RANBP2: variants seen among roughly 807,000 people sequenced by gnomAD.
RANBP2 encodes the protein RAN binding protein 2.
RANBP2 carries 57 observed loss-of-function variants against 303.6 expected under a neutral mutation model. The observed-to-expected ratio is 0.19, with a 90% confidence interval of 0.15 to 0.23. The LOEUF (loss-of-function observed/expected upper bound fraction) is 0.23. Among genes scored for constraint, RANBP2 ranks in the 10% least tolerant of loss-of-function variants. The pLI is 1.00. For synonymous variants in RANBP2, 1,167 were observed against 1,301.5 expected (o/e 0.90, Z 2.23); for missense variants, 3,138 against 3,780.8 (o/e 0.83, Z 4.46).
Position 108,777,247 on chromosome 2 carries a change from G to A in RANBP2, c.8599+16G>A, listed in dbSNP as rs145152325. On this transcript the variant is annotated intron_variant, in intron 25 of 28. Transcript: ENST00000283195. ...GGTTCTAAAGGTAAGATCAAGAGGA[G>A]AGACTTTTAATGACATTGTTACAGA... The A allele has an allele frequency of 1.2e-3, 1,939 of 1,590,354 alleles. 1 individual carries two copies. The highest frequency in any genetic ancestry group is 1.5e-3 in the Non-Finnish European group (1,780 of 1,164,962).
chr2:109,404,550 C>T, the RANBP2 span, among the ~76,000 whole-genome samples: 25,314 of 151,994 alleles, frequency 0.17, 2,597 homozygotes, highest in East Asian at 0.49. Flanking sequence ...CAGTCAAGGT[C>T]GCCAAGGAGC....
chr2:108,875,026 TA>T, the RANBP2 span, among the ~76,000 whole-genome samples: 1,992 of 151,822 alleles, frequency 0.013, 63 homozygotes, highest in South Asian at 0.082. Flanking sequence ...TAGACTTAGA[TA>T]AAAAAACAAA....
chr2:109,282,542 C>T, the RANBP2 span, among the ~76,000 whole-genome samples: 2 of 152,270 alleles, frequency 1.3e-5, no homozygotes, highest in East Asian at 1.9e-4. Flanking sequence ...TGGTACTGCC[C>T]TGTGCCTCAG....
the RANBP2 span, among the ~76,000 whole-genome samples, chr2:108,899,894 G>A: frequency 6.6e-6 from 1 of 152,252 alleles, no homozygotes; most frequent in South Asian, 2.1e-4. Flanking sequence ...GCTGAGGCAG[G>A]AGAATCGCTT....
chr2:109,232,935 G>A, the RANBP2 span, among the ~76,000 whole-genome samples: 2 of 152,182 alleles, frequency 1.3e-5, no homozygotes, highest in African/African-American at 2.4e-5. Flanking sequence ...GCACCACTGA[G>A]ACAGGAGAGT....
the RANBP2 span, among the ~76,000 whole-genome samples, chr2:109,226,343 AG>A: frequency 2.0e-5 from 3 of 152,198 alleles, no homozygotes. Flanking sequence ...TCAAAGCTAA[AG>A]TCACATTGAC....
At chr2:109,045,719 T>A in the RANBP2 span, among the ~76,000 whole-genome samples, 1 of 152,132 alleles carries the variant, frequency 6.6e-6, no homozygotes, top group Non-Finnish European at 1.5e-5. Context: ...GTGTGTTTAC[T>A]TTTAACTTTT....
At chr2:109,002,440 C>T in the RANBP2 span, among the ~76,000 whole-genome samples, 1 of 152,214 alleles carries the variant, frequency 6.6e-6, no homozygotes, top group Non-Finnish European at 1.5e-5. Flanking sequence ...TTCCATCCTC[C>T]ACTCTCAGCT....
At chr2:109,422,583 T>C in the RANBP2 span, among the ~76,000 whole-genome samples, 1 of 144,118 alleles carries the variant, frequency 6.9e-6, no homozygotes, top group Admixed American at 7.3e-5. Flanking sequence ...CTCTCATTCC[T>C]GCACCCCCTT....
the RANBP2 span, among the ~76,000 whole-genome samples, chr2:108,902,490 C>A: frequency 3.3e-5 from 5 of 152,206 alleles, no homozygotes; most frequent in Non-Finnish European, 7.3e-5. Context: ...TCTACACGAT[C>A]TTTTCTAGAC....
chr2:109,103,281 C>A, the RANBP2 span, among the ~76,000 whole-genome samples: 3 of 152,152 alleles, frequency 2.0e-5, no homozygotes, highest in African/African-American at 7.2e-5. Flanking sequence ...TTATTCTGAG[C>A]CAAACATGAG....
chr2:108,847,625 A>G, the RANBP2 span, among the ~76,000 whole-genome samples: 5 of 152,210 alleles, frequency 3.3e-5, no homozygotes, highest in Non-Finnish European at 5.9e-5. Context: ...TTATATTATT[A>G]AATGTGATAA....
chr2:109,015,826 G>A, the RANBP2 span, among the ~76,000 whole-genome samples: 1 of 152,174 alleles, frequency 6.6e-6, no homozygotes, highest in Non-Finnish European at 1.5e-5. Flanking sequence ...TATAAAATAT[G>A]TGCTAATCAA....
the RANBP2 span, among the ~76,000 whole-genome samples, chr2:109,687,786 AG>A: frequency 7.0e-6 from 1 of 142,664 alleles, no homozygotes; most frequent in Non-Finnish European, 1.5e-5. Flanking sequence ...TCTGTTGCTG[AG>A]GATGGAGTGC....
the RANBP2 span, among the ~76,000 whole-genome samples, chr2:109,133,924 A>G: frequency 2.0e-5 from 3 of 152,078 alleles, no homozygotes; most frequent in African/African-American, 7.2e-5. Flanking sequence ...GGTGTGGGTG[A>G]CTTTGGCTGT....
the RANBP2 span, among the ~76,000 whole-genome samples, chr2:109,607,764 C>T: frequency 1.3e-5 from 2 of 152,098 alleles, no homozygotes; most frequent in Non-Finnish European, 2.9e-5. Flanking sequence ...CCAACCTGCC[C>T]TAAATCAAAA....
chr2:109,145,254 C>T, the RANBP2 span, among the ~76,000 whole-genome samples: 1 of 152,184 alleles, frequency 6.6e-6, no homozygotes, highest in African/African-American at 2.4e-5. Flanking sequence ...TCCATCTGTG[C>T]CTGTGGCCCC....
chr2:108,855,784 A>G, the RANBP2 span, among the ~76,000 whole-genome samples: 1 of 152,200 alleles, frequency 6.6e-6, no homozygotes, highest in Non-Finnish European at 1.5e-5. Flanking sequence ...ATTACTTATT[A>G]TGTAAGCTGA....
chr2:108,804,057 T>G, the RANBP2 span, among the ~76,000 whole-genome samples: 1 of 152,176 alleles, frequency 6.6e-6, no homozygotes, highest in Non-Finnish European at 1.5e-5. Context: ...CTCTGATCTC[T>G]CCATTTTTGT....
Sources: allele counts gnomAD v4.1 joint callset (sites outside exome capture counted in the v4.1 genomes callset), GRCh38; gene constraint gnomAD v4.1.1; transcripts MANE v1.5; gene names NCBI Gene and HGNC (gene_info 2026-07-23, HGNC 2026-07-21).